The following RAI14 variants were observed in gnomAD, a reference collection of about 807,000 sequenced individuals.
RAI14 encodes the protein ankycorbin.
In RAI14, 45 loss-of-function variants were observed where a neutral mutation model predicts 115.4. That is an observed-to-expected ratio of 0.39 (90% CI 0.31 to 0.50). RAI14 has a LOEUF of 0.50. Ranked by LOEUF, RAI14 falls within the 20% of genes least tolerant of loss-of-function variation. RAI14 has a pLI of 0.85. For missense variants in RAI14, 939 were observed against 1,131.2 expected (o/e 0.83, Z 2.44); for synonymous variants, 371 against 415.4 (o/e 0.89, Z 1.30).
intron 1 of RAI14, among the ~76,000 whole-genome samples, chr5:34,674,029 T>A (rs1478870377): frequency 6.6e-6 from 1 of 151,940 alleles, no homozygotes; most frequent in Non-Finnish European, 1.5e-5. Flanking sequence ...ACTACTGGAG[T>A]ACCAGGCCAC....
intron 3 of RAI14, among the ~76,000 whole-genome samples, chr5:34,777,909 G>A (rs528750695): frequency 1.8e-3 from 272 of 152,210 alleles, no homozygotes; most frequent in Non-Finnish European, 2.8e-3. Flanking sequence ...AACATAGTTA[G>A]AGCTACAAAT....
At chr5:34,712,034 A>G (rs1332687306) in intron 2 of RAI14, among the ~76,000 whole-genome samples, 2 of 152,082 alleles carry the variant, frequency 1.3e-5, no homozygotes, top group Non-Finnish European at 2.9e-5. Flanking sequence ...CTATAGATTG[A>G]GGGAGCCCCA....
At chr5:34,705,063 G>A (rs1257589542) in intron 2 of RAI14, among the ~76,000 whole-genome samples, 1 of 151,950 alleles carries the variant, frequency 6.6e-6, no homozygotes, top group South Asian at 2.1e-4. Context: ...GAGTAGCTTC[G>A]GACTATGGAC....
At chr5:34,790,527 A>G (rs942269131) in intron 3 of RAI14, among the ~76,000 whole-genome samples, 3 of 152,164 alleles carry the variant, frequency 2.0e-5, no homozygotes, top group Non-Finnish European at 2.9e-5. Flanking sequence ...AAGTAGTAAA[A>G]TGATTTTCTG....
chr5:34,710,510 A>G (rs1447719963), intron 2 of RAI14, among the ~76,000 whole-genome samples: 1 of 152,106 alleles, frequency 6.6e-6, no homozygotes, highest in African/African-American at 2.4e-5. Flanking sequence ...GCTGGATTGG[A>G]CTGACTCTAG....
intron 2 of RAI14, among the ~76,000 whole-genome samples, chr5:34,743,764 A>C (rs1482985975): frequency 1.3e-5 from 2 of 152,226 alleles, no homozygotes; most frequent in Non-Finnish European, 2.9e-5. Context: ...CCCTTCTTTC[A>C]CATGTTGAAC....
At chr5:34,739,110 A>T (rs1035071461) in intron 2 of RAI14, among the ~76,000 whole-genome samples, 4 of 152,210 alleles carry the variant, frequency 2.6e-5, no homozygotes, top group African/African-American at 9.6e-5. Context: ...AAAATAACGG[A>T]GTGGAATTTC....
intron 2 of RAI14, among the ~76,000 whole-genome samples, chr5:34,689,702 G>A (rs1432790129): frequency 2.6e-5 from 4 of 151,978 alleles, no homozygotes; most frequent in African/African-American, 7.3e-5. Flanking sequence ...GAGAAACCCC[G>A]TCTGTACTAA....
At chr5:34,814,307 A>G (rs1277777570) in intron 11 of RAI14, among the ~76,000 whole-genome samples, 1 of 152,224 alleles carries the variant, frequency 6.6e-6, no homozygotes, top group African/African-American at 2.4e-5. Context: ...GTATGTTAGC[A>G]TACTTATTAA....
intron 2 of RAI14, among the ~76,000 whole-genome samples, chr5:34,751,652 G>A (rs980457410): frequency 3.9e-5 from 6 of 152,132 alleles, no homozygotes; most frequent in Non-Finnish European, 7.3e-5. Context: ...GTTGCTTGAC[G>A]ACGTGATAAT....
rs527261797 is a variant in RAI14, at chr5:34,681,577, C to G, written c.-48-5295C>G. The stretch of plus-strand genomic sequence containing the variant: ...TAGCATGATCATGGCTCACTGTAGC[C>G]TTGAACTCCCAGGCTCAAGTGACCC... On this transcript the variant is annotated intron_variant, in intron 1 of 17. Transcript: ENST00000265109. Among the ~76,000 whole-genome samples, 4 of 152,208 alleles carry G rather than the reference C, an allele frequency of 2.6e-5. No homozygotes were observed. The East Asian group carries it at 5.8e-4, about 22-fold the overall frequency.
chr5:34,700,375 C>A (rs1187163214), intron 2 of RAI14, among the ~76,000 whole-genome samples: 1 of 152,102 alleles, frequency 6.6e-6, no homozygotes, highest in Non-Finnish European at 1.5e-5. Flanking sequence ...TTTTTAGGTG[C>A]ATTTGGAAAA....
intron 16 of RAI14, 37 bp from the exon 17 acceptor site, chr5:34,829,695 T>G: frequency 6.5e-7 from 1 of 1,548,748 alleles, no homozygotes; most frequent in South Asian, 1.2e-5. Flanking sequence ...TAAAGATCTC[T>G]TAAGCTCATT....
chr5:34,773,158 G>A, intron 3 of RAI14, among the ~76,000 whole-genome samples: 1 of 152,130 alleles, frequency 6.6e-6, no homozygotes, highest in South Asian at 2.1e-4. Flanking sequence ...GGCAAAAAAC[G>A]ATGGTGTGAC....
chr5:34,748,120 G>A (rs1469693045), intron 2 of RAI14, among the ~76,000 whole-genome samples: 2 of 152,106 alleles, frequency 1.3e-5, no homozygotes, highest in Non-Finnish European at 2.9e-5. Context: ...AGGTGTTTAT[G>A]TATTATGTAC....
chr5:34,741,302 C>T (rs758110833), intron 2 of RAI14, among the ~76,000 whole-genome samples: 2 of 152,160 alleles, frequency 1.3e-5, no homozygotes, highest in South Asian at 2.1e-4. Flanking sequence ...CAGAGGCATG[C>T]GAGGTTAAGT....
chr5:34,707,377 GAA>G (rs1740828430), intron 2 of RAI14, among the ~76,000 whole-genome samples: 1 of 152,244 alleles, frequency 6.6e-6, no homozygotes, highest in Non-Finnish European at 1.5e-5. Flanking sequence ...TGAGGCAGGA[GAA>G]TCTCTTGAAC....
At chr5:34,811,332 CTG>C (rs1755557796) in intron 8 of RAI14, among the ~76,000 whole-genome samples, 1 of 152,150 alleles carries the variant, frequency 6.6e-6, no homozygotes, top group Non-Finnish European at 1.5e-5. Context: ...CTGGCTAAGT[CTG>C]TGAGGAGACT....
At chr5:34,697,831 A>G (rs866057000) in intron 2 of RAI14, among the ~76,000 whole-genome samples, 4 of 152,208 alleles carry the variant, frequency 2.6e-5, no homozygotes, top group Non-Finnish European at 5.9e-5. Flanking sequence ...CCTACATGAC[A>G]TCTGACTCTC....
Sources: allele counts gnomAD v4.1 joint callset (sites outside exome capture counted in the v4.1 genomes callset), GRCh38; gene constraint gnomAD v4.1.1; transcripts MANE v1.5; gene names NCBI Gene and HGNC (gene_info 2026-07-23, HGNC 2026-07-21).